The following NELL1 variants were observed in gnomAD, a reference collection of about 807,000 sequenced individuals.
The protein encoded by NELL1 is protein kinase C-binding protein NELL1.
Under a neutral mutation model 107.4 loss-of-function variants are expected in NELL1, and 76 were observed. That is an observed-to-expected ratio of 0.71 (90% CI 0.59 to 0.86). NELL1 has a LOEUF of 0.86. NELL1 is among the 40% of genes least tolerant of loss of function. NELL1 has a pLI of 0.00. For synonymous variants in NELL1, 353 were observed against 341.2 expected (o/e 1.03, Z -0.38); for missense variants, 1,024 against 1,005.5 (o/e 1.02, Z -0.25).
intron 12 of NELL1, among the ~76,000 whole-genome samples, chr11:21,104,652 G>T (rs1208551888): frequency 6.6e-6 from 1 of 152,078 alleles, no homozygotes; most frequent in African/African-American, 2.4e-5. Flanking sequence ...GAAAATATTT[G>T]ATCTGGTAAT....
chr11:21,273,217 T>C (rs1348267371), intron 14 of NELL1, among the ~76,000 whole-genome samples: 1 of 152,152 alleles, frequency 6.6e-6, no homozygotes, highest in Non-Finnish European at 1.5e-5. Flanking sequence ...AAGGACCTGA[T>C]GGAGCTGAAA....
At chr11:21,275,076 A>G (rs1848824558) in intron 14 of NELL1, among the ~76,000 whole-genome samples, 1 of 152,200 alleles carries the variant, frequency 6.6e-6, no homozygotes, top group Non-Finnish European at 1.5e-5. Flanking sequence ...AGATGGACAC[A>G]CAAAAAAACC....
intron 12 of NELL1, among the ~76,000 whole-genome samples, chr11:20,985,554 G>T (rs908860966): frequency 1.3e-5 from 2 of 152,120 alleles, no homozygotes; most frequent in African/African-American, 4.8e-5. Flanking sequence ...TGGGTATGGT[G>T]CCATAAGAAC....
chr11:21,138,905 T>G (rs1855802756), intron 13 of NELL1, among the ~76,000 whole-genome samples: 1 of 152,182 alleles, frequency 6.6e-6, no homozygotes, highest in South Asian at 2.1e-4. Context: ...GGATCTAGCA[T>G]CCAGCTCGTC....
At chr11:21,118,880 A>G (rs1422655913) in intron 13 of NELL1, among the ~76,000 whole-genome samples, 1 of 152,054 alleles carries the variant, frequency 6.6e-6, no homozygotes, top group Non-Finnish European at 1.5e-5. Flanking sequence ...TTCAACCAAA[A>G]ATAGGAAGCC....
chr11:21,538,546 T>C (rs960855382), intron 16 of NELL1, among the ~76,000 whole-genome samples: 2 of 152,126 alleles, frequency 1.3e-5, no homozygotes, highest in African/African-American at 4.8e-5. Context: ...TATATCTTTA[T>C]AATGCCAGGA....
At chr11:20,702,938 G>A (rs548705362) in intron 2 of NELL1, among the ~76,000 whole-genome samples, 46 of 152,218 alleles carry the variant, frequency 3.0e-4, no homozygotes, top group African/African-American at 1.1e-3. Flanking sequence ...TTTTTGCATT[G>A]ATGTTCATCA....
At chr11:21,572,200 T>C (rs1857114024) in intron 18 of NELL1, among the ~76,000 whole-genome samples, 1 of 151,810 alleles carries the variant, frequency 6.6e-6, no homozygotes, top group South Asian at 2.1e-4. Context: ...TCCAGAAGAA[T>C]TAGTATTAAT....
At chr11:21,567,630 A>G (rs1028697961) in intron 17 of NELL1, among the ~76,000 whole-genome samples, 1 of 151,824 alleles carries the variant, frequency 6.6e-6, no homozygotes, top group South Asian at 2.1e-4. Context: ...TTCTCCTTAA[A>G]GAATATAAAG....
intron 13 of NELL1, among the ~76,000 whole-genome samples, chr11:21,224,649 A>G (rs1223908860): frequency 6.6e-6 from 1 of 152,122 alleles, no homozygotes; most frequent in Non-Finnish European, 1.5e-5. Flanking sequence ...TTATTCTTTT[A>G]AAATGTCTTC....
At chr11:20,773,868 C>T (rs899948983) in intron 2 of NELL1, among the ~76,000 whole-genome samples, 4 of 152,118 alleles carry the variant, frequency 2.6e-5, no homozygotes, top group Admixed American at 6.5e-5. Context: ...TACATTGCCT[C>T]TTACCTGGAA....
intron 2 of NELL1, among the ~76,000 whole-genome samples, chr11:20,739,548 G>GT (rs1855840965): frequency 6.6e-6 from 1 of 152,204 alleles, no homozygotes; most frequent in South Asian, 2.1e-4. Context: ...CTGTGGCATG[G>GT]TAAAAGCACT....
At chr11:20,812,391 T>C (rs546398250) in intron 3 of NELL1, among the ~76,000 whole-genome samples, 1 of 152,330 alleles carries the variant, frequency 6.6e-6, no homozygotes, top group East Asian at 1.9e-4. Context: ...TATGGGTCTG[T>C]AGTTTATGTT....
intron 2 of NELL1, among the ~76,000 whole-genome samples, chr11:20,761,823 A>C (rs1856427157): frequency 6.6e-6 from 1 of 152,230 alleles, no homozygotes. Context: ...TTGAAGTCTG[A>C]TATCCCTGGG....
chr11:21,073,242 G>A (rs1472870412), intron 12 of NELL1, among the ~76,000 whole-genome samples: 1 of 152,104 alleles, frequency 6.6e-6, no homozygotes, highest in Non-Finnish European at 1.5e-5. Context: ...TCATCTTTGA[G>A]TAGATTACTT....
At chr11:20,962,797 G>C (rs538106328) in intron 12 of NELL1, among the ~76,000 whole-genome samples, 1 of 152,314 alleles carries the variant, frequency 6.6e-6, no homozygotes, top group African/African-American at 2.4e-5. Context: ...TATTGCGGTT[G>C]GGTAATGGCA....
At position 21,534,422 on chromosome 11, in the gene NELL1, G is replaced by A. The variant is rs185527274; in HGVS notation, c.1694G>A (p.Arg565His). 2.9e-5 allele frequency: 46 copies of A among 1,613,794 alleles called. No homozygotes were observed. Among genetic ancestry groups the A allele is most frequent in the South Asian group, 2.5e-4 (23 of 91,064 alleles). ...ATCATTGAGTGCCACAACCATTCCC[G>A]CTGCGTTAACCTGCCAGGGTGGTAC... ...EGIIECHNHS[R>H]CVNLPGWYHC... The change falls in exon 16 of 20, where the codon CGC becomes CAC. Residue 565 changes from arginine to histidine, a missense_variant. Arg to His is a conservative substitution (Grantham distance 29, BLOSUM62 0). Transcript: ENST00000357134.
At chr11:20,926,040 G>T (rs964326011) in intron 7 of NELL1, among the ~76,000 whole-genome samples, 1 of 152,138 alleles carries the variant, frequency 6.6e-6, no homozygotes, top group African/African-American at 2.4e-5. Context: ...CCTGTATGGG[G>T]AAAGTACTTA....
intron 12 of NELL1, among the ~76,000 whole-genome samples, chr11:21,043,171 G>A (rs1853276893): frequency 6.6e-6 from 1 of 152,144 alleles, no homozygotes; most frequent in African/African-American, 2.4e-5. Context: ...GGCAATGAGA[G>A]TACTGCTATT....
Sources: allele counts gnomAD v4.1 joint callset (sites outside exome capture counted in the v4.1 genomes callset), GRCh38; gene constraint gnomAD v4.1.1; transcripts MANE v1.5; gene names NCBI Gene and HGNC (gene_info 2026-07-23, HGNC 2026-07-21).